The following PRKN variants were observed in gnomAD, a reference collection of about 807,000 sequenced individuals.
PRKN encodes parkin RBR E3 ubiquitin protein ligase.
In PRKN, 56 loss-of-function variants were observed where a neutral mutation model predicts 59.5. That is an observed-to-expected ratio of 0.94 (90% CI 0.76 to 1.18). PRKN has a LOEUF of 1.18. Ranked by LOEUF, PRKN falls within the 50% of genes most tolerant of loss-of-function variation. PRKN has a pLI of 0.00. For missense variants in PRKN, 657 were observed against 596.4 expected, an observed-to-expected ratio of 1.10 and a Z score of -1.06; for synonymous variants, 250 against 222.1, an observed-to-expected ratio of 1.13 and a Z score of -1.12.
At chr6:161,494,889 G>C (rs1030332928) in intron 9 of PRKN, among the ~76,000 whole-genome samples, 4 of 152,056 alleles carry the variant, frequency 2.6e-5, no homozygotes, top group Admixed American at 6.6e-5. Flanking sequence ...CAGTCTTCTA[G>C]GACTCCTCTC....
intron 1 of PRKN, among the ~76,000 whole-genome samples, chr6:162,519,938 T>C (rs963857347): frequency 2.0e-5 from 3 of 152,194 alleles, no homozygotes; most frequent in African/African-American, 7.2e-5. Context: ...TATCAAAATA[T>C]ATTCACTCAT....
intron 2 of PRKN, among the ~76,000 whole-genome samples, chr6:162,400,239 A>G (rs1300239506): frequency 6.6e-6 from 1 of 151,920 alleles, no homozygotes; most frequent in African/African-American, 2.4e-5. Context: ...AACAAAAAAA[A>G]AAAACAAAGA....
rs770985812 is a variant in PRKN, at chr6:162,491,037, G to A, written c.8-47564C>T. Among the ~76,000 whole-genome samples, 6 of 151,946 alleles carry A rather than the reference G, an allele frequency of 3.9e-5. No homozygotes were observed. The South Asian group carries it at 6.2e-4, about 16-fold the overall frequency. ...AGAATCGCTTGAACCCAGGAGGCGG[G>A]GGTTGTGGTGATCTCAGATCGCAGC... On this transcript the variant is annotated intron_variant, in intron 1 of 11. Transcript: ENST00000366898.
intron 1 of PRKN, among the ~76,000 whole-genome samples, chr6:162,553,054 A>C (rs760961504): frequency 7.9e-5 from 12 of 152,058 alleles, no homozygotes; most frequent in Non-Finnish European, 1.8e-4. Flanking sequence ...GGAAAGATTA[A>C]ATGGGAAGGG....
rs1457554573 is a variant in PRKN at position 162,099,132 on chromosome 6, CCAACTTT to C, written c.535-44965_535-44959del. On this transcript the variant is annotated intron_variant, in intron 4 of 11. Transcript: ENST00000366898. ...CAGCATACATTTTTCCATGCCATTT[CCAACTTT>C]AACACCGTTGAAATTCCTTTAAATT... Among the ~76,000 whole-genome samples, 10 of 152,240 alleles carry C rather than the reference CCAACTTT, an allele frequency of 6.6e-5. No individual in the cohort carries two copies. In the South Asian group the frequency reaches 2.1e-3, roughly 32 times the overall value.
At chr6:161,674,062 G>A (rs1049298159) in intron 7 of PRKN, among the ~76,000 whole-genome samples, 5 of 152,100 alleles carry the variant, frequency 3.3e-5, no homozygotes, top group Admixed American at 2.0e-4. Context: ...AGTCAATGAT[G>A]CAAGGATAAG....
In PRKN at chr6:161,475,125, G is replaced by A. The variant is rs965263500; in HGVS notation, c.1083+73729C>T. On this transcript the variant is annotated intron_variant, in intron 9 of 11. Coordinates refer to ENST00000366898, the MANE Select transcript of PRKN (RefSeq NM_004562.3). The surrounding 1 kb of genome is among the most constrained non-coding windows in gnomAD (Gnocchi z 5.3). ...TTGGCCAGGATGGTCTCGATCTCTTGACCTCATGATCTGCCTGCCTCTCAA... is the reference window on the plus strand; with the variant it reads ...TTGGCCAGGATGGTCTCGATCTCTTAACCTCATGATCTGCCTGCCTCTCAA... Among the ~76,000 whole-genome samples the A allele has an allele frequency of 2.0e-5, 3 of 152,156 alleles. No individual in the cohort carries two copies. Among genetic ancestry groups the A allele is most frequent in the Admixed American group, 1.3e-4 (2 of 15,282 alleles).
At chr6:162,390,390 T>C (rs1395865161) in intron 2 of PRKN, among the ~76,000 whole-genome samples, 2 of 126,170 alleles carry the variant, frequency 1.6e-5, no homozygotes, top group African/African-American at 7.5e-5. Flanking sequence ...TATATATATA[T>C]ATATATACAC....
At position 161,448,093 on chromosome 6, in the gene PRKN, G is replaced by A. The variant is rs1164500648; in HGVS notation, c.1084-61216C>T. On this transcript the variant is annotated intron_variant, in intron 9 of 11. Coordinates refer to ENST00000366898, the MANE Select transcript of PRKN (RefSeq NM_004562.3). The surrounding 1 kb of genome is among the most constrained non-coding windows in gnomAD (Gnocchi z 5.1). ...CAACCCCCTTAGAGTGAAGTCAACA[G>A]TAGCCAATCAAATCTTACATCTGTG... is the stretch of plus-strand genomic sequence containing the variant. Among the ~76,000 whole-genome samples the A allele has an allele frequency of 1.3e-5, 2 of 152,198 alleles. No homozygotes were observed. Among genetic ancestry groups the A allele is most frequent in the Non-Finnish European group, 2.9e-5 (2 of 68,038 alleles).
rs1279849119 is a variant in PRKN, at chr6:161,546,093, A to G, written c.1083+2761T>C. Among the ~76,000 whole-genome samples, 1 of 152,212 alleles carries G rather than the reference A, an allele frequency of 6.6e-6. No individual in the cohort carries two copies. The highest frequency in any genetic ancestry group is 1.5e-5 in the Non-Finnish European group (1 of 68,036). On this transcript the variant is annotated intron_variant, in intron 9 of 11. Coordinates refer to ENST00000366898, the MANE Select transcript of PRKN (RefSeq NM_004562.3). The surrounding 1 kb of genome is among the most constrained non-coding windows in gnomAD (Gnocchi z 4.4). ...GAGTATATCCAATGAATGCCATGTAAGCAATCTTCCTTGAATGTTGGGTTT... is the reference window on the plus strand; with the variant it reads ...GAGTATATCCAATGAATGCCATGTAGGCAATCTTCCTTGAATGTTGGGTTT...
chr6:162,283,898 G>A (rs1051511376), intron 2 of PRKN, among the ~76,000 whole-genome samples: 11 of 152,276 alleles, frequency 7.2e-5, no homozygotes, highest in East Asian at 3.9e-4. Flanking sequence ...ACACACTAGC[G>A]TGTTCTCCAG....
chr6:161,677,175 C>T (rs1049185910), intron 7 of PRKN, among the ~76,000 whole-genome samples: 1 of 152,082 alleles, frequency 6.6e-6, no homozygotes, highest in Non-Finnish European at 1.5e-5. Context: ...GTGAGTTATC[C>T]AGGAAACAGG....
intron 9 of PRKN, among the ~76,000 whole-genome samples, chr6:161,494,446 T>G (rs1347078160): frequency 1.3e-5 from 2 of 152,128 alleles, no homozygotes; most frequent in Non-Finnish European, 2.9e-5. Context: ...TTAAGGAGAG[T>G]GGAGACCTTG....
In PRKN at chr6:162,011,433, TG is replaced by T. The variant is rs1782693983; in HGVS notation, c.619-38017del. ...AATATATTATATTTTATAATATATA[TG>T]TTATATATTTATAATATATAATATA... On this transcript the variant is annotated intron_variant, in intron 5 of 11. Coordinates refer to ENST00000366898, the MANE Select transcript of PRKN (RefSeq NM_004562.3). 8.6e-5 allele frequency among the ~76,000 whole-genome samples: 2 copies of T among 23,156 alleles called. 1 individual carries two copies. Among genetic ancestry groups the T allele is most frequent in the Non-Finnish European group, 1.1e-4 (2 of 17,450 alleles). 15.2% of individuals were successfully genotyped at this position (23,156 alleles called of 152,430 possible).
intron 7 of PRKN, among the ~76,000 whole-genome samples, chr6:161,591,030 A>T (rs187914978): frequency 3.6e-4 from 55 of 152,312 alleles, no homozygotes; most frequent in Admixed American, 3.6e-3. Context: ...GACTTCGATC[A>T]TTATACTGTG....
At position 161,744,714 on chromosome 6, in the gene PRKN, A is replaced by G. The variant is rs140586512; in HGVS notation, c.871+41058T>C. Among the ~76,000 whole-genome samples the G allele has an allele frequency of 4.1e-3, 631 of 152,328 alleles. 5 individuals are homozygous for G. Among genetic ancestry groups the G allele is most frequent in the African/African-American group, 0.014 (597 of 41,570 alleles). ...ACGCTCCTAGCTTCGAGAATGATGC[A>G]TGGGCAGGCCTGTTCCATTAACGTT... On this transcript the variant is annotated intron_variant, in intron 7 of 11. Transcript: ENST00000366898.
At chr6:162,182,771 G>A (rs915704086) in intron 4 of PRKN, among the ~76,000 whole-genome samples, 1 of 152,184 alleles carries the variant, frequency 6.6e-6, no homozygotes, top group Non-Finnish European at 1.5e-5. Context: ...TGGCAAGCCT[G>A]CTTAGAGCAA....
chr6:162,418,868 AG>A (rs1788798974), intron 2 of PRKN, among the ~76,000 whole-genome samples: 1 of 151,688 alleles, frequency 6.6e-6, no homozygotes, highest in Admixed American at 6.6e-5. Flanking sequence ...GGAGGAGGGG[AG>A]GGAGAAGCCA....
At chr6:162,537,528 A>G (rs768534805) in intron 1 of PRKN, among the ~76,000 whole-genome samples, 3 of 152,096 alleles carry the variant, frequency 2.0e-5, no homozygotes, top group East Asian at 1.9e-4. Context: ...ATCTCTCCAC[A>G]GTGCACGTGT....
Sources: gnomAD v4.1 joint callset for allele counts (sites outside exome capture counted in the v4.1 genomes callset) on GRCh38, gnomAD v4.1.1 for gene constraint, Gnocchi (gnomAD v3.1) non-coding constraint, MANE v1.5 for transcripts, NCBI Gene and HGNC (gene_info 2026-07-23, HGNC 2026-07-21) for gene names.